The following NREP variants were observed in gnomAD, a reference collection of about 807,000 sequenced individuals.
NREP encodes the protein neuronal regeneration related protein.
A neutral mutation model predicts 8.6 loss-of-function variants in NREP; 5 were observed. The ratio of observed to expected loss-of-function variants is 0.58; its 90% CI spans 0.30 to 1.22. The LOEUF (loss-of-function observed/expected upper bound fraction) is 1.22. Among genes scored for constraint, NREP ranks in the 50% most tolerant of loss-of-function variants. The pLI is 0.07. For missense variants in NREP, 86 were observed against 82.5 expected (o/e 1.04, Z -0.17); for synonymous variants, 27 against 28.0 (o/e 0.96, Z 0.11).
intron 2 of NREP, among the ~76,000 whole-genome samples, chr5:111,935,615 T>C (rs1755661633): frequency 6.6e-6 from 1 of 152,012 alleles, no homozygotes; most frequent in African/African-American, 2.4e-5. Context: ...AAATAAAAAT[T>C]AAGTTTGAAT....
chr5:111,815,487 A>G (rs896791651), intron 2 of NREP, among the ~76,000 whole-genome samples: 1 of 152,134 alleles, frequency 6.6e-6, no homozygotes, highest in Non-Finnish European at 1.5e-5. Flanking sequence ...GTTATCAAAG[A>G]AAGTTTTTTT....
chr5:111,741,037 G>A (rs1030296594), intron 2 of NREP, among the ~76,000 whole-genome samples: 3 of 152,146 alleles, frequency 2.0e-5, no homozygotes, highest in African/African-American at 7.2e-5. Context: ...CTGCCATGAA[G>A]ATATGTTGCA....
chr5:111,884,293 A>G (rs1161438815), intron 2 of NREP, among the ~76,000 whole-genome samples: 1 of 151,776 alleles, frequency 6.6e-6, no homozygotes, highest in African/African-American at 2.4e-5. Flanking sequence ...GAATCTCTGA[A>G]TAGACCAATA....
In NREP at chr5:111,755,552, A is replaced by G. The variant is rs139923066; in HGVS notation, c.3+218T>C. On this transcript the variant is annotated intron_variant, in intron 2 of 3. Transcript: ENST00000257435. The stretch of plus-strand genomic sequence containing the variant: ...TCTGAAAGAGGAATTTTAGTTTTCT[A>G]TTCAAAATAATTGCAAGTCAAAGAA... The G allele has an allele frequency of 7.4e-4, 436 of 591,596 alleles. 1 individual carries two copies. The highest frequency in any genetic ancestry group is 5.6e-3 in the African/African-American group (304 of 54,686). 36.6% of individuals were successfully genotyped at this position (591,596 alleles called of 1,614,324 possible).
At chr5:111,941,955 G>A (rs189789264) in intron 2 of NREP, among the ~76,000 whole-genome samples, 5 of 152,064 alleles carry the variant, frequency 3.3e-5, no homozygotes, top group East Asian at 3.9e-4. Flanking sequence ...TTTTAACACC[G>A]TGTGTGGACT....
chr5:111,915,493 C>G (rs1755031889), intron 2 of NREP, among the ~76,000 whole-genome samples: 1 of 152,038 alleles, frequency 6.6e-6, no homozygotes, highest in African/African-American at 2.4e-5. Context: ...GCACAGCATA[C>G]TCTTGGAAAC....
At chr5:111,943,369 C>T (rs1288120942) in intron 2 of NREP, among the ~76,000 whole-genome samples, 2 of 152,030 alleles carry the variant, frequency 1.3e-5, no homozygotes, top group Non-Finnish European at 2.9e-5. Context: ...TGCTGGGCTT[C>T]CTTGGCATTC....
intron 2 of NREP, among the ~76,000 whole-genome samples, chr5:111,791,187 A>G (rs1488379687): frequency 6.6e-6 from 1 of 152,222 alleles, no homozygotes; most frequent in Non-Finnish European, 1.5e-5. Context: ...TAATTAATGT[A>G]TCTATTATCT....
At position 111,730,924 on chromosome 5, in the gene NREP, A is replaced by G; in HGVS notation, c.204T>C (p.Phe68=). 6.2e-7 allele frequency: 1 copy of G among 1,613,866 alleles called. No individual in the cohort carries two copies. The highest frequency in any genetic ancestry group is 8.5e-7 in the Non-Finnish European group (1 of 1,179,820). Residue 68 remains phenylalanine (F), a synonymous_variant, in exon 4 of 4, where the codon TTT becomes TTC. Transcript: ENST00000257435. ...RSPRISYLHF[F] ...AATACAAATGGAGGTGTTACGATTA[A>G]AAAAAGTGGAGGTAACTGATTCTTG...
At chr5:111,870,724 AAG>A (rs1261542129) in intron 2 of NREP, among the ~76,000 whole-genome samples, 9 of 152,072 alleles carry the variant, frequency 5.9e-5, no homozygotes, top group African/African-American at 1.2e-4. Context: ...CTTACAAGAA[AAG>A]AGAGAGACAC....
intron 2 of NREP, among the ~76,000 whole-genome samples, chr5:111,822,662 C>T (rs1037664584): frequency 2.0e-5 from 3 of 152,148 alleles, no homozygotes; most frequent in Non-Finnish European, 4.4e-5. Context: ...GAAATTTTCT[C>T]CATAACTTTC....
chr5:111,762,202 C>T (rs1162674502), upstream of NREP, among the ~76,000 whole-genome samples: 1 of 152,084 alleles, frequency 6.6e-6, no homozygotes, highest in African/African-American at 2.4e-5. Flanking sequence ...AGAAAAGAGT[C>T]TAAGATGATT....
intron 2 of NREP, among the ~76,000 whole-genome samples, chr5:111,798,620 A>G (rs1751927032): frequency 6.6e-6 from 1 of 152,044 alleles, no homozygotes; most frequent in Non-Finnish European, 1.5e-5. Flanking sequence ...AGAACATACA[A>G]TGTTTGATTT....
chr5:111,833,054 T>A (rs958340566), intron 2 of NREP, among the ~76,000 whole-genome samples: 5 of 152,326 alleles, frequency 3.3e-5, no homozygotes, highest in Middle Eastern at 3.4e-3. Context: ...ACTGTACTAC[T>A]TGTGCAGAAG....
chr5:111,787,054 T>C (rs1405581965), intron 2 of NREP, among the ~76,000 whole-genome samples: 1 of 152,120 alleles, frequency 6.6e-6, no homozygotes, highest in Non-Finnish European at 1.5e-5. Flanking sequence ...ACCAAATAAA[T>C]TGAAAAAAGG....
In NREP at chr5:111,729,969, C is replaced by T. The variant is rs1353152650; in HGVS notation, c.*952G>A. On this transcript the variant is annotated 3_prime_UTR_variant, in exon 4 of 4. Transcript: ENST00000257435. Reference sequence around the variant, plus strand: ...TTTAAAACGGTTTTGCTCTTTTTTTCGACAAATATCCTTTCAAACAGAAAG... The same window carrying T: ...TTTAAAACGGTTTTGCTCTTTTTTTTGACAAATATCCTTTCAAACAGAAAG... 6.7e-6 allele frequency: 1 copy of T among 148,430 alleles called. No individual in the cohort carries two copies. Among genetic ancestry groups the T allele is most frequent in the Non-Finnish European group, 1.5e-5 (1 of 67,752 alleles). 9.2% of individuals were successfully genotyped at this position (148,430 alleles called of 1,614,324 possible).
chr5:111,919,249 T>C (rs1023103668), intron 2 of NREP, among the ~76,000 whole-genome samples: 4 of 151,706 alleles, frequency 2.6e-5, no homozygotes, highest in Non-Finnish European at 4.4e-5. Context: ...AGGATGTGCA[T>C]AAATAACTCT....
intron 2 of NREP, among the ~76,000 whole-genome samples, chr5:111,745,269 G>C (rs1387061227): frequency 6.6e-6 from 1 of 152,180 alleles, no homozygotes; most frequent in Non-Finnish European, 1.5e-5. Context: ...AGGGAGAATA[G>C]TCAGGGAACC....
chr5:111,924,458 G>GAA (rs34192417), intron 2 of NREP, among the ~76,000 whole-genome samples: 8 of 147,034 alleles, frequency 5.4e-5, no homozygotes, highest in Non-Finnish European at 1.2e-4. Flanking sequence ...AGTGGTATGA[G>GAA]AAAAAAAAAA....
Sources: gnomAD v4.1 joint callset for allele counts (sites outside exome capture counted in the v4.1 genomes callset) on GRCh38, gnomAD v4.1.1 for gene constraint, MANE v1.5 for transcripts, NCBI Gene and HGNC (gene_info 2026-07-23, HGNC 2026-07-21) for gene names.